Variants in TTLL3 observed in about 807,000 individuals in gnomAD.
TTLL3 encodes the protein tubulin tyrosine ligase like 3.
TTLL3 carries 63 observed loss-of-function variants against 75.2 expected under a neutral mutation model. The observed-to-expected ratio is 0.84, with a 90% CI of 0.68 to 1.03. The LOEUF is 1.03. Ranked by LOEUF, TTLL3 falls within the 50% of genes least tolerant of loss-of-function variation. The probability of loss-of-function intolerance (pLI) is 0.00; values close to 1 mark genes in which losing one functional copy is unlikely to be tolerated. For missense variants in TTLL3, 997 were observed against 1,069.9 expected (o/e 0.93, Z 0.95); for synonymous variants, 393 against 418.5 (o/e 0.94, Z 0.74).
intron 11 of TTLL3, among the ~76,000 whole-genome samples, chr3:9,831,817 T>A (rs973278701): frequency 1.6e-5 from 2 of 121,260 alleles, no homozygotes; most frequent in Non-Finnish European, 3.6e-5. Flanking sequence ...TTTTTTTTTT[T>A]AGACAGAGTC....
At chr3:9,829,441 C>T (rs1048108883) in intron 11 of TTLL3, 46 bp downstream of exon 11, 2 of 1,537,378 alleles carry the variant, frequency 1.3e-6, no homozygotes, top group Non-Finnish European at 1.8e-6. Context: ...TCTGCACCCT[C>T]TTCCAGGCAG....
chr3:9,820,503 C>T, intron 7 of TTLL3, 43 bp from the exon 8 acceptor site: 2 of 1,607,888 alleles, frequency 1.2e-6, no homozygotes, highest in Non-Finnish European at 1.7e-6. Flanking sequence ...GTCAGGTTAC[C>T]TGCCTTGATA....
At chr3:9,818,612 T>A in intron 6 of TTLL3, 1 of 1,354,644 alleles carries the variant, frequency 7.4e-7, no homozygotes, top group Non-Finnish European at 9.6e-7. Context: ...TCATGATCCA[T>A]CCACCTCAGC....
intron 4 of TTLL3, among the ~76,000 whole-genome samples, chr3:9,813,914 TGCATGGTAAC>T (rs1403139139): frequency 6.6e-6 from 1 of 152,030 alleles, no homozygotes; most frequent in Non-Finnish European, 1.5e-5. Flanking sequence ...ACAGCCGCCA[TGCATGGTAAC>T]TCCCCCTTCA....
At position 9,827,260 on chromosome 3, in the gene TTLL3, T is replaced by G; in HGVS notation, c.1247+20T>G. ...GGACAAGTGAGCCCCTCTGCTCGCCTCCCACGAGCTCCCTGCCTAGTTGGG... is the reference window on the plus strand; with the variant it reads ...GGACAAGTGAGCCCCTCTGCTCGCCGCCCACGAGCTCCCTGCCTAGTTGGG... On this transcript the variant is annotated intron_variant, in intron 10 of 13. Transcript: ENST00000685419. 6.2e-7 allele frequency: 1 copy of G among 1,609,410 alleles called. No homozygotes were observed. Among genetic ancestry groups the G allele is most frequent in the Non-Finnish European group, 8.5e-7 (1 of 1,176,354 alleles).
At position 9,820,690 on chromosome 3, in the gene TTLL3, T is replaced by A; in HGVS notation, c.803T>A (p.Leu268His). The A allele has an allele frequency of 1.9e-6, 3 of 1,614,102 alleles. No individual in the cohort carries two copies. The highest frequency in any genetic ancestry group is 2.5e-6 in the Non-Finnish European group (3 of 1,180,006). ...AAGGACCTGGAGGCCCCGCTGTACC[T>A]CACCCCCGAGGGCTGGTCCCTCTTC... is the stretch of plus-strand genomic sequence containing the variant. The part of the protein sequence containing the change: ...IDKDLEAPLY[L>H]TPEGWSLFLQ... The change falls in exon 8 of 14, where the codon CTC becomes CAC. Residue 268 changes from leucine (L) to histidine (H), a missense_variant. Leu to His is a moderately conservative substitution (Grantham distance 99). Transcript: ENST00000685419.
intron 4 of TTLL3, among the ~76,000 whole-genome samples, chr3:9,813,846 G>A (rs958208944): frequency 6.6e-6 from 1 of 151,958 alleles, no homozygotes; most frequent in Non-Finnish European, 1.5e-5. Context: ...GACACAGCAG[G>A]GCTGTGTCCC....
chr3:9,821,388 G>A (rs79296994), intron 8 of TTLL3, among the ~76,000 whole-genome samples: 6,260 of 152,272 alleles, frequency 0.041, 173 homozygotes, highest in African/African-American at 0.079. Context: ...GAGCAACTCC[G>A]ATGTGCCAAG....
At chr3:9,810,134 T>C (rs141059815), upstream of TTLL3, 15,808 of 1,472,684 alleles carry the variant, frequency 0.011, 1,212 homozygotes, top group East Asian at 0.23. This position sits in a 1 kb window ranked among gnomAD's most constrained non-coding sequence, Gnocchi z 4.4. Context: ...CCGCAGCCGC[T>C]CGAGCCACGC....
Position 9,827,217 on chromosome 3 carries a change from CTT to C in TTLL3, c.1225_1226del (p.Phe409LeufsTer38), listed in dbSNP as rs1392264267. The C allele has an allele frequency of 6.2e-7, 1 of 1,614,060 alleles. No individual in the cohort carries two copies. The highest frequency in any genetic ancestry group is 1.7e-5 in the Admixed American group (1 of 60,018). On this transcript the variant is annotated frameshift_variant, in exon 10 of 14. Coordinates refer to ENST00000685419, the MANE Select transcript of TTLL3 (RefSeq NM_001387446.1). LOFTEE classifies it high-confidence loss of function. ...GCTATATCCGCTTTTCCACGCAGCC[CTT>C]CTCCCTGAAGAACCTGGACAAGTGA... ...DSYIRFSTQP[F>X]SLKNLDNSVH...
At chr3:9,831,727 T>G (rs1209963108) in intron 11 of TTLL3, among the ~76,000 whole-genome samples, 2 of 152,188 alleles carry the variant, frequency 1.3e-5, no homozygotes, top group African/African-American at 4.8e-5. Context: ...CTGAGATTCT[T>G]CTGTAAAGAT....
intron 5 of TTLL3, among the ~76,000 whole-genome samples, chr3:9,817,132 G>T (rs1252329654): frequency 6.6e-6 from 1 of 152,050 alleles, no homozygotes; most frequent in Non-Finnish European, 1.5e-5. Flanking sequence ...CTTTAAGAAT[G>T]AGAAAGGGTG....
chr3:9,821,952 G>T (rs565416481), intron 8 of TTLL3, among the ~76,000 whole-genome samples: 1 of 146,720 alleles, frequency 6.8e-6, no homozygotes, highest in Admixed American at 6.8e-5. Flanking sequence ...GCAGTGAGCC[G>T]AGATCGCGCC....
intron 5 of TTLL3, among the ~76,000 whole-genome samples, chr3:9,816,519 G>GTTTTTTTTTTTTTTTTTTTTT (rs1397485164): frequency 2.8e-5 from 1 of 36,150 alleles, no homozygotes; most frequent in Non-Finnish European, 7.2e-5. Flanking sequence ...TCTTACCTGG[G>GTTTTTTTTTTTTTTTTTTTTT]TTTCTTTTTT....
chr3:9,809,966 G>GGGATCAGGGGCCCTGGGAGGGCGGGCGCA, upstream of TTLL3: 1 of 1,294,608 alleles, frequency 7.7e-7, no homozygotes, highest in Non-Finnish European at 9.7e-7. Context: ...GGAGGGGCGC[G>GGGATCAGGGGCCCTGGGAGGGCGGGCGCA]GGATCAGGGG....
At chr3:9,831,935 A>C (rs187011357) in intron 11 of TTLL3, among the ~76,000 whole-genome samples, 1 of 151,074 alleles carries the variant, frequency 6.6e-6, no homozygotes, top group Non-Finnish European at 1.5e-5. Context: ...CTGGGATTAC[A>C]GGCGCCCACC....
Position 9,835,792 on chromosome 3 carries a change from A to G in TTLL3, c.*303A>G. 1 of 363,530 alleles carries G rather than the reference A, an allele frequency of 2.8e-6. No homozygotes were observed. The highest frequency in any genetic ancestry group is 4.9e-6 in the Non-Finnish European group (1 of 202,684). The allele number at this position is 363,530 out of a possible 1,614,324, so 22.5% of individuals were successfully genotyped here. On this transcript the variant is annotated 3_prime_UTR_variant, in exon 14 of 14. Transcript: ENST00000685419. ...CGGGCATAGGAACGTTAATGCCATG[A>G]GACAGGGGAAGGAATTGGCCTTGCC...
chr3:9,831,708 A>G (rs1471793640), intron 11 of TTLL3, among the ~76,000 whole-genome samples: 1 of 151,986 alleles, frequency 6.6e-6, no homozygotes, highest in Non-Finnish European at 1.5e-5. Context: ...TTCCTTCTGC[A>G]TTTATTAGCT....
chr3:9,822,111 G>A (rs79833426), intron 8 of TTLL3, among the ~76,000 whole-genome samples: 22,693 of 120,962 alleles, frequency 0.19, 2,593 homozygotes, highest in East Asian at 0.53. Context: ...TGTTGCCCAG[G>A]CTGGAGTGCA....
Sources: allele counts gnomAD v4.1 joint callset (sites outside exome capture counted in the v4.1 genomes callset), GRCh38; gene constraint gnomAD v4.1.1; non-coding constraint Gnocchi (gnomAD v3.1); transcripts MANE v1.5; gene names NCBI Gene and HGNC (gene_info 2026-07-23, HGNC 2026-07-21).